TMEM132B: variants seen among roughly 807,000 people sequenced by gnomAD.
The protein encoded by TMEM132B is transmembrane protein 132B.
Under a neutral mutation model 90.8 loss-of-function variants are expected in TMEM132B, and 18 were observed. That is an observed-to-expected ratio of 0.20 (90% CI 0.14 to 0.29). The LOEUF (loss-of-function observed/expected upper bound fraction) is 0.29, where lower values mean the gene tolerates loss of function less well. Among genes scored for constraint, TMEM132B ranks in the 10% least tolerant of loss-of-function variants. The probability of loss-of-function intolerance (pLI) is 1.00; values close to 1 mark genes in which losing one functional copy is unlikely to be tolerated. For missense variants in TMEM132B, 1,096 were observed against 1,326.8 expected, an observed-to-expected ratio of 0.83 and a Z score of 2.70; for synonymous variants, 504 against 523.3, an observed-to-expected ratio of 0.96 and a Z score of 0.50.
intron 1 of TMEM132B, among the ~76,000 whole-genome samples, chr12:125,327,994 A>C (rs1050656433): frequency 1.3e-5 from 2 of 152,230 alleles, no homozygotes; most frequent in Non-Finnish European, 2.9e-5. Flanking sequence ...ACCTGGGGCC[A>C]GTCTACAAGG....
At chr12:125,300,862 C>T (rs527897825) in intron 1 of TMEM132B, 4 of 152,186 alleles carry the variant, frequency 2.6e-5, no homozygotes, top group African/African-American at 9.6e-5. Flanking sequence ...CAGCTGCCTG[C>T]AAACAGCCTT....
intron 1 of TMEM132B, among the ~76,000 whole-genome samples, chr12:125,203,871 T>C (rs893999019): frequency 6.6e-6 from 1 of 152,244 alleles, no homozygotes; most frequent in African/African-American, 2.4e-5. Flanking sequence ...CCAGTATATA[T>C]GCTGACCTCC....
chr12:125,305,443 G>T (rs188960198), intron 1 of TMEM132B, among the ~76,000 whole-genome samples: 107 of 152,000 alleles, frequency 7.0e-4, no homozygotes, highest in African/African-American at 2.2e-3. Context: ...CCCAGGGTAG[G>T]GGGGGGAAGG....
chr12:125,439,459 G>C lies in TMEM132B; in HGVS notation c.1106+23782G>C, dbSNP rs58101682. On this transcript the variant is annotated intron_variant, in intron 3 of 8. Transcript: ENST00000682704. ...TGAATAGGACTGTGTTCCTGATTTG[G>C]CTCTTGGCTTGGCTACTGTTGGTAT... Among the ~76,000 whole-genome samples the C allele has an allele frequency of 6.7e-3, 1,019 of 152,196 alleles. 13 individuals are homozygous for C. Among genetic ancestry groups the C allele is most frequent in the African/African-American group, 0.022 (934 of 41,516 alleles).
intron 3 of TMEM132B, among the ~76,000 whole-genome samples, chr12:125,517,755 C>A (rs981036007): frequency 1.3e-5 from 2 of 151,928 alleles, no homozygotes; most frequent in Non-Finnish European, 2.9e-5. Flanking sequence ...GTAGAAAGAC[C>A]AATATTATTG....
At chr12:125,437,949 T>C (rs1381020884) in intron 3 of TMEM132B, among the ~76,000 whole-genome samples, 1 of 152,170 alleles carries the variant, frequency 6.6e-6, no homozygotes, top group Non-Finnish European at 1.5e-5. Context: ...ATGGTCAATT[T>C]TGTGTTCTAT....
At chr12:125,474,092 T>TTTCCTTTCC (rs1166275659) in intron 3 of TMEM132B, among the ~76,000 whole-genome samples, 6 of 145,192 alleles carry the variant, frequency 4.1e-5, no homozygotes, top group African/African-American at 1.6e-4. Flanking sequence ...TTTCCTTTCC[T>TTTCCTTTCC]TTCCTTCCTT....
chr12:125,508,959 G>C (rs1281520743), intron 3 of TMEM132B, among the ~76,000 whole-genome samples: 1 of 151,540 alleles, frequency 6.6e-6, no homozygotes, highest in Non-Finnish European at 1.5e-5. Context: ...AATTTTTGTA[G>C]TTTTGGTAGA....
Position 125,377,349 on chromosome 12 carries a change from G to T in TMEM132B, c.959+27006G>T, listed in dbSNP as rs1878524562. ...AGAGGAAGCCCACATCAGAGGGCAG[G>T]GAACTTTGGATTGTGGGCTGGACTG... is the stretch of plus-strand genomic sequence containing the variant. On this transcript the variant is annotated intron_variant, in intron 2 of 8. Coordinates refer to ENST00000682704, the MANE Select transcript of TMEM132B (RefSeq NM_001366854.1). 6.6e-5 allele frequency among the ~76,000 whole-genome samples: 10 copies of T among 152,202 alleles called. No individual in the cohort carries two copies. The South Asian group carries it at 2.1e-3, about 31-fold the overall frequency.
intron 5 of TMEM132B, among the ~76,000 whole-genome samples, chr12:125,625,871 G>A (rs1886220705): frequency 6.6e-6 from 1 of 152,124 alleles, no homozygotes. Context: ...TTATCTCTTA[G>A]TGGTTTTAAT....
At chr12:125,346,764 A>T (rs1877381424) in intron 1 of TMEM132B, among the ~76,000 whole-genome samples, 1 of 152,228 alleles carries the variant, frequency 6.6e-6, no homozygotes, top group Non-Finnish European at 1.5e-5. Context: ...TCTGGAGGAA[A>T]CCCAGGTCTA....
chr12:125,535,455 CT>C (rs1230011623), intron 4 of TMEM132B, among the ~76,000 whole-genome samples: 4 of 152,306 alleles, frequency 2.6e-5, no homozygotes, highest in African/African-American at 9.6e-5. Context: ...GACCAAGGGC[CT>C]GTGTGCCAGC....
At chr12:125,379,547 G>A (rs570895072) in intron 2 of TMEM132B, among the ~76,000 whole-genome samples, 102 of 152,186 alleles carry the variant, frequency 6.7e-4, no homozygotes, top group Non-Finnish European at 1.1e-3. Context: ...GGATCACAGC[G>A]CTGCTAACCC....
chr12:125,382,836 T>G (rs1478386503), intron 2 of TMEM132B, among the ~76,000 whole-genome samples: 1 of 152,196 alleles, frequency 6.6e-6, no homozygotes, highest in Non-Finnish European at 1.5e-5. Context: ...AAAAATCTGT[T>G]TTCTCTGCTT....
chr12:125,204,014 C>G (rs1231549311), intron 1 of TMEM132B, among the ~76,000 whole-genome samples: 1 of 152,260 alleles, frequency 6.6e-6, no homozygotes, highest in African/African-American at 2.4e-5. Context: ...AGCAGCCTAC[C>G]TAGGGCTGAG....
intron 4 of TMEM132B, among the ~76,000 whole-genome samples, chr12:125,527,678 AC>A (rs1274008502): frequency 7.2e-6 from 1 of 139,736 alleles, no homozygotes; most frequent in African/African-American, 2.8e-5. Context: ...TTACCCATTC[AC>A]CCTTCCAACC....
Position 125,277,353 on chromosome 12 carries a change from C to T in TMEM132B, c.68-72099C>T, listed in dbSNP as rs942987084. 2.0e-5 allele frequency among the ~76,000 whole-genome samples: 3 copies of T among 151,988 alleles called. No homozygotes were observed. Among genetic ancestry groups the T allele is most frequent in the African/African-American group, 4.8e-5 (2 of 41,368 alleles). On this transcript the variant is annotated intron_variant, in intron 1 of 8. Coordinates refer to ENST00000682704, the MANE Select transcript of TMEM132B (RefSeq NM_001366854.1). The surrounding 1 kb of genome is among the most constrained non-coding windows in gnomAD (Gnocchi z 4.3). ...AATTAGCTGGGCGTGGTGGTGGGCT[C>T]CTGTAATCCCAGCTACTCAGGAGGC...
At chr12:125,607,829 G>A (rs1308505744) in intron 5 of TMEM132B, among the ~76,000 whole-genome samples, 1 of 152,026 alleles carries the variant, frequency 6.6e-6, no homozygotes, top group Non-Finnish European at 1.5e-5. Flanking sequence ...TGTCTATTCT[G>A]GACATTTCAT....
rs551255067 is a variant in TMEM132B, at chr12:125,612,637, GACA to G, written c.1437+28646_1437+28648del. Among the ~76,000 whole-genome samples the G allele has an allele frequency of 7.6e-3, 1,077 of 142,028 alleles. 14 individuals carry two copies. Among genetic ancestry groups the G allele is most frequent in the African/African-American group, 0.025 (957 of 39,036 alleles). 93.2% of individuals were successfully genotyped at this position (142,028 alleles called of 152,430 possible). On this transcript the variant is annotated intron_variant, in intron 5 of 8. Transcript: ENST00000682704. ...TTTTAATGTTACTAGACAACAGTAT[GACA>G]ACTATATATACTTGTCATACTGTTG...
Sources: allele counts gnomAD v4.1 joint callset (sites outside exome capture counted in the v4.1 genomes callset), GRCh38; gene constraint gnomAD v4.1.1; non-coding constraint Gnocchi (gnomAD v3.1); transcripts MANE v1.5; gene names NCBI Gene and HGNC (gene_info 2026-07-23, HGNC 2026-07-21).